Variants in HMGB1 observed in about 807,000 individuals in gnomAD.
The protein encoded by HMGB1 is high mobility group protein B1.
For missense variants in HMGB1, 79 were observed against 253.5 expected, an observed-to-expected ratio of 0.31 and a Z score of 4.67; for synonymous variants, 81 against 84.0, an observed-to-expected ratio of 0.96 and a Z score of 0.19.
rs1886302770 is a variant in HMGB1 at position 30,461,182 on chromosome 13, C to A, written c.*175G>T. 9 of 1,286,472 alleles carry A rather than the reference C, an allele frequency of 7.0e-6. No individual in the cohort carries two copies. The highest frequency in any genetic ancestry group is 5.7e-4 in the Middle Eastern group (2 of 3,482). The allele number at this position is 1,286,472 out of a possible 1,614,324, so 79.7% of individuals were successfully genotyped here. ...TATTGAAAATACCACCAGGACAGGG[C>A]TATCTAAAGACACATTCGGTAGTGT... is the stretch of plus-strand genomic sequence containing the variant. On this transcript the variant is annotated 3_prime_UTR_variant, in exon 5 of 5. Transcript: ENST00000341423.
rs1417132343 is a variant in HMGB1 at position 30,456,924 on chromosome 13, G to GGA, written c.*4431_*4432dup. On this transcript the variant is annotated 3_prime_UTR_variant, in exon 5 of 5. Coordinates refer to ENST00000341423, the MANE Select transcript of HMGB1 (RefSeq NM_002128.7). The stretch of plus-strand genomic sequence containing the variant: ...CAGTACTGTTAAACAGCAAAAAATA[G>GGA]GAAACAATCTAAATGTCCATCAGTA... 6.6e-6 allele frequency: 1 copy of GGA among 151,890 alleles called. No individual in the cohort carries two copies. The highest frequency in any genetic ancestry group is 1.5e-5 in the Non-Finnish European group (1 of 67,974). The allele number at this position is 151,890 out of a possible 1,614,324, so 9.4% of individuals were successfully genotyped here. A position where few individuals can be genotyped will look rare whatever the true frequency, so the allele number is the denominator to read the frequency against.
Position 30,550,240 on chromosome 13 carries a change from T to C in HMGB1, c.-15+66431A>G, listed in dbSNP as rs541550950. 6.6e-5 allele frequency among the ~76,000 whole-genome samples: 10 copies of C among 152,330 alleles called. No individual in the cohort carries two copies. The East Asian group carries it at 1.9e-3, about 29-fold the overall frequency. On this transcript the variant is annotated intron_variant, in intron 1 of 4. Transcript: ENST00000405805. ...CCTTTTAGGAAGTCATGTATGTTCA[T>C]TTGTCCATTTGTTCATTCATGTATG...
chr13:30,605,609 G>A (rs1950450178), intron 1 of HMGB1, among the ~76,000 whole-genome samples: 1 of 152,200 alleles, frequency 6.6e-6, no homozygotes, highest in African/African-American at 2.4e-5. Context: ...GGGAAGACAG[G>A]AATAAAAGTC....
chr13:30,543,809 T>G (rs1869024922), intron 1 of HMGB1, among the ~76,000 whole-genome samples: 1 of 152,216 alleles, frequency 6.6e-6, no homozygotes, highest in Non-Finnish European at 1.5e-5. Context: ...ATTGAGAGTT[T>G]ACAGTCAAAC....
intron 1 of HMGB1, among the ~76,000 whole-genome samples, chr13:30,569,911 C>T (rs1870355604): frequency 6.6e-6 from 1 of 152,204 alleles, no homozygotes; most frequent in South Asian, 2.1e-4. Context: ...ATCTCTAGGT[C>T]TGGTGATGCC....
At chr13:30,490,132 A>G (rs1304901831) in intron 1 of HMGB1, among the ~76,000 whole-genome samples, 3 of 151,966 alleles carry the variant, frequency 2.0e-5, no homozygotes, top group African/African-American at 4.8e-5. Context: ...GGCATTTTCA[A>G]TTCTTTGACC....
chr13:30,496,260 ATGCAGATCAT>A, intron 1 of HMGB1, among the ~76,000 whole-genome samples: 1 of 152,344 alleles, frequency 6.6e-6, no homozygotes, highest in East Asian at 1.9e-4. Context: ...CTGATAGCAG[ATGCAGATCAT>A]CTGCACACCA....
chr13:30,570,089 A>T (rs1271475182), intron 1 of HMGB1, among the ~76,000 whole-genome samples: 1 of 152,220 alleles, frequency 6.6e-6, no homozygotes, highest in East Asian at 1.9e-4. Flanking sequence ...GAAGGACAGC[A>T]CACTGGTTTT....
chr13:30,608,971 A>C (rs1026118912), intron 1 of HMGB1, among the ~76,000 whole-genome samples: 1 of 152,220 alleles, frequency 6.6e-6, no homozygotes, highest in Non-Finnish European at 1.5e-5. Context: ...AAACACGATT[A>C]ATAGGTGAGG....
chr13:30,538,476 TTC>T (rs374236002), intron 1 of HMGB1, among the ~76,000 whole-genome samples: 11 of 32,964 alleles, frequency 3.3e-4, no homozygotes, highest in African/African-American at 6.9e-4. Context: ...CTTTCTTTCT[TTC>T]TTTCTTTCTT....
intron 1 of HMGB1, among the ~76,000 whole-genome samples, chr13:30,519,449 A>T (rs1373673314): frequency 6.6e-6 from 1 of 151,386 alleles, no homozygotes; most frequent in Non-Finnish European, 1.5e-5. Flanking sequence ...TAATCCCAGC[A>T]CTTTGGGAGG....
At chr13:30,546,394 G>T (rs1050699883) in intron 1 of HMGB1, among the ~76,000 whole-genome samples, 3 of 152,036 alleles carry the variant, frequency 2.0e-5, no homozygotes, top group African/African-American at 7.2e-5. Flanking sequence ...GATTACAGGC[G>T]TGAGCCACTG....
chr13:30,514,556 G>A (rs371206777), intron 1 of HMGB1, among the ~76,000 whole-genome samples: 1 of 151,904 alleles, frequency 6.6e-6, no homozygotes, highest in Non-Finnish European at 1.5e-5. Context: ...TTTTATAAAC[G>A]ACTGCAGCAC....
chr13:30,539,124 T>C (rs2137499203), intron 1 of HMGB1, among the ~76,000 whole-genome samples: 1 of 152,306 alleles, frequency 6.6e-6, no homozygotes, highest in Middle Eastern at 3.4e-3. Context: ...CTCCAATTCC[T>C]GACCTTAAGT....
At chr13:30,577,447 A>T (rs1013528795) in intron 1 of HMGB1, among the ~76,000 whole-genome samples, 11 of 151,992 alleles carry the variant, frequency 7.2e-5, no homozygotes, top group African/African-American at 2.4e-4. Context: ...GCTGTGAGAA[A>T]ATTTCTGTTG....
chr13:30,585,792 A>G (rs1281846541), intron 1 of HMGB1, among the ~76,000 whole-genome samples: 1 of 152,224 alleles, frequency 6.6e-6, no homozygotes, highest in Non-Finnish European at 1.5e-5. Context: ...ACTCCCATGA[A>G]TACACGTATG....
intron 1 of HMGB1, chr13:30,553,735 A>T: frequency 7.7e-7 from 1 of 1,297,968 alleles, no homozygotes; most frequent in African/African-American, 1.5e-5. Flanking sequence ...CAGCTGCCGT[A>T]CTTGGAAATT....
At position 30,489,743 on chromosome 13, in the gene HMGB1, TTTTTTTC is replaced by T. The variant is rs774088574; in HGVS notation, c.-14-26056_-14-26050del. 2.4e-4 allele frequency among the ~76,000 whole-genome samples: 36 copies of T among 147,792 alleles called. 1 individual carries two copies. The highest frequency in any genetic ancestry group is 2.4e-4 in the Non-Finnish European group (16 of 67,554). On this transcript the variant is annotated intron_variant, in intron 1 of 4. Coordinates refer to the HMGB1 transcript ENST00000405805. ...ATTCAAATGGAATTTCTTTTTTTTT[TTTTTTTC>T]CTGAGACGGAGTCTCGCTCTGTCGC... is the stretch of plus-strand genomic sequence containing the variant.
intron 1 of HMGB1, among the ~76,000 whole-genome samples, chr13:30,511,919 G>A (rs1005300277): frequency 1.4e-5 from 2 of 147,166 alleles, no homozygotes; most frequent in Middle Eastern, 3.4e-3. Flanking sequence ...CTACCCTCCT[G>A]GTCTAACCTC....
Sources: allele counts gnomAD v4.1 joint callset (sites outside exome capture counted in the v4.1 genomes callset), GRCh38; gene constraint gnomAD v4.1.1; transcripts MANE v1.5; gene names NCBI Gene and HGNC (gene_info 2026-07-23, HGNC 2026-07-21).